PLXNA4: variants seen among roughly 807,000 people sequenced by gnomAD.
The protein encoded by PLXNA4 is plexin-A4.
A neutral mutation model predicts 191.8 loss-of-function variants in PLXNA4; 44 were observed. The ratio of observed to expected loss-of-function variants is 0.23; its 90% CI spans 0.18 to 0.29. The LOEUF is 0.29. Ranked by LOEUF, PLXNA4 falls within the 10% of genes least tolerant of loss-of-function variation. The pLI, the probability that PLXNA4 is intolerant of heterozygous loss-of-function variation, is 1.00. For missense variants in PLXNA4, 1,800 were observed against 2,488.8 expected (o/e 0.72, Z 5.89); for synonymous variants, 1,082 against 1,009.5 (o/e 1.07, Z -1.36).
chr7:132,220,224 C>T (rs1328504509), intron 9 of PLXNA4, among the ~76,000 whole-genome samples: 1 of 152,188 alleles, frequency 6.6e-6, no homozygotes, highest in African/African-American at 2.4e-5. Flanking sequence ...AGTCAGTAGT[C>T]CACACATACT....
intron 30 of PLXNA4, 140 bp downstream of exon 30, chr7:132,140,459 G>A (rs1200492239): frequency 1.6e-5 from 20 of 1,252,518 alleles, no homozygotes; most frequent in Admixed American, 2.7e-5. Flanking sequence ...GGGGGTGTGG[G>A]TGTTGCAGTG....
chr7:132,462,946 T>C (rs1796570858), intron 3 of PLXNA4, among the ~76,000 whole-genome samples: 1 of 148,880 alleles, frequency 6.7e-6, no homozygotes, highest in African/African-American at 2.5e-5. Flanking sequence ...GCCTGTCAGG[T>C]TCAAGTGATT....
Position 132,129,368 on chromosome 7 carries a change from G to C in PLXNA4, c.*1111C>G, listed in dbSNP as rs1794862863. ...CATAGCAATGGCACCGGATTCTGCA[G>C]AGGGAACAGGGACTAGGCTGTTGGC... On this transcript the variant is annotated 3_prime_UTR_variant, in exon 32 of 32. Coordinates refer to ENST00000321063, the MANE Select transcript of PLXNA4 (RefSeq NM_020911.2). 1 of 152,304 alleles carries C rather than the reference G, an allele frequency of 6.6e-6. No individual in the cohort carries two copies. The highest frequency in any genetic ancestry group is 1.5e-5 in the Non-Finnish European group (1 of 68,076). 9.4% of individuals were successfully genotyped at this position (152,304 alleles called of 1,614,324 possible). A position where few individuals can be genotyped will look rare whatever the true frequency, so the allele number is the denominator to read the frequency against.
At position 132,198,533 on chromosome 7, in the gene PLXNA4, G is replaced by A. The variant is rs1797326584; in HGVS notation, c.2690C>T (p.Ala897Val). The A allele has an allele frequency of 1.9e-6, 3 of 1,614,110 alleles. No homozygotes were observed. The highest frequency in any genetic ancestry group is 2.5e-6 in the Non-Finnish European group (3 of 1,180,044). The change falls in exon 13 of 32, where the codon GCT becomes GTT. Residue 897 changes from alanine to valine, a missense_variant. Ala to Val is a moderately conservative substitution (Grantham distance 64, BLOSUM62 0). Coordinates refer to ENST00000321063, the MANE Select transcript of PLXNA4 (RefSeq NM_020911.2). ...FRDIASHVKV[A>V]GVECSPLVDG... Reference sequence around the variant, plus strand: ...CACTAAAGGGCTGCACTCCACGCCAGCAACCTTGACATGGGAGGCGATGTC... The same window carrying A: ...CACTAAAGGGCTGCACTCCACGCCAACAACCTTGACATGGGAGGCGATGTC...
intron 31 of PLXNA4, among the ~76,000 whole-genome samples, chr7:132,132,473 C>CTCTGCTCTGT (rs1794983584): frequency 1.9e-5 from 1 of 53,054 alleles, no homozygotes; most frequent in Non-Finnish European, 3.7e-5. Flanking sequence ...TTCTGCTCTG[C>CTCTGCTCTGT]TCTGCTCTGC....
chr7:132,540,188 G>C (rs114600554), intron 1 of PLXNA4, among the ~76,000 whole-genome samples: 4 of 151,886 alleles, frequency 2.6e-5, no homozygotes, highest in African/African-American at 9.7e-5. Context: ...CCAGAGTTTC[G>C]GAGCTATCCA....
intron 4 of PLXNA4, among the ~76,000 whole-genome samples, chr7:132,293,090 A>G (rs888617574): frequency 1.3e-5 from 2 of 152,162 alleles, no homozygotes; most frequent in Admixed American, 6.5e-5. Context: ...GGATGGGGCC[A>G]AGGGACCATG....
intron 3 of PLXNA4, among the ~76,000 whole-genome samples, chr7:132,453,863 T>A (rs1208498367): frequency 6.6e-6 from 1 of 152,208 alleles, no homozygotes; most frequent in Non-Finnish European, 1.5e-5. Context: ...AAACTCCAAA[T>A]TCCCCTTCAA....
At chr7:132,257,016 A>T (rs10240557) in intron 4 of PLXNA4, among the ~76,000 whole-genome samples, 110,791 of 151,692 alleles carry the variant, frequency 0.73, 41,771 homozygotes, top group African/African-American at 0.93. Flanking sequence ...GACAGCCTCC[A>T]GTTTACAGAT....
chr7:132,230,343 C>T (rs1272381573), intron 5 of PLXNA4, among the ~76,000 whole-genome samples: 1 of 152,192 alleles, frequency 6.6e-6, no homozygotes, highest in East Asian at 1.9e-4. Context: ...CATCCTGATG[C>T]CCCCTTCATA....
intron 5 of PLXNA4, 131 bp from the exon 6 acceptor site, chr7:132,228,600 T>C (rs943039170): frequency 8.3e-7 from 1 of 1,198,638 alleles, no homozygotes; most frequent in Non-Finnish European, 1.1e-6. Context: ...GCTAACCTTT[T>C]TGTGTCCTTC....
intron 3 of PLXNA4, among the ~76,000 whole-genome samples, chr7:132,395,447 G>A (rs990417330): frequency 6.6e-6 from 1 of 152,248 alleles, no homozygotes; most frequent in South Asian, 2.1e-4. Flanking sequence ...CCTGCTGAGA[G>A]AGGGTGTCGG....
At chr7:132,279,362 C>T (rs1800393815) in intron 4 of PLXNA4, among the ~76,000 whole-genome samples, 1 of 152,168 alleles carries the variant, frequency 6.6e-6, no homozygotes, top group African/African-American at 2.4e-5. Flanking sequence ...AAAATTAAGG[C>T]TGGGCATGGT....
intron 3 of PLXNA4, among the ~76,000 whole-genome samples, chr7:132,454,356 A>G (rs2117319409): frequency 6.6e-6 from 1 of 152,074 alleles, no homozygotes; most frequent in East Asian, 1.9e-4. Flanking sequence ...AAGCCTCTCC[A>G]TTTTCTTTGC....
chr7:132,334,252 CT>C lies in PLXNA4; in HGVS notation c.1372-36031del, dbSNP rs71529758. ...TTTCTTTTCTTTTCTTTCTTTCTTT[CT>C]TTTTTTTTTTTTTTTTTTTTTTGAG... On this transcript the variant is annotated intron_variant, in intron 3 of 31. Transcript: ENST00000321063. 4.7e-3 allele frequency among the ~76,000 whole-genome samples: 352 copies of C among 75,590 alleles called. 1 individual carries two copies. Among genetic ancestry groups the C allele is most frequent in the African/African-American group, 0.017 (272 of 16,410 alleles). The allele number at this position is 75,590 out of a possible 152,430, so 49.6% of individuals were successfully genotyped here. A position where few individuals can be genotyped will look rare whatever the true frequency, so the allele number is the denominator to read the frequency against.
At position 132,419,324 on chromosome 7, in the gene PLXNA4, A is replaced by G. The variant is rs139905249; in HGVS notation, c.1371+69968T>C. Among the ~76,000 whole-genome samples, 1,468 of 152,338 alleles carry G rather than the reference A, an allele frequency of 9.6e-3. 15 individuals are homozygous for G. Among genetic ancestry groups the G allele is most frequent in the Middle Eastern group, 0.037 (11 of 294 alleles). ...TAGCTTGGATCTGGGCTGCAGGAGC[A>G]GAGAACTGCTCCCTTGACCACAGGT... On this transcript the variant is annotated intron_variant, in intron 3 of 31. Transcript: ENST00000321063.
Position 132,515,058 on chromosome 7 carries a change from A to C in PLXNA4, c.-86-6279T>G, listed in dbSNP as rs563828431. Among the ~76,000 whole-genome samples, 801 of 152,276 alleles carry C rather than the reference A, an allele frequency of 5.3e-3. 3 individuals are homozygous for C. Among genetic ancestry groups the C allele is most frequent in the Middle Eastern group, 0.044 (13 of 294 alleles). ...GGGGTCGGGAGGGCATAGTGATTGG[A>C]TCAGGAATGAGAAACTGGTTAAATC... On this transcript the variant is annotated intron_variant, in intron 1 of 31. Coordinates refer to ENST00000321063, the MANE Select transcript of PLXNA4 (RefSeq NM_020911.2).
chr7:132,624,423 T>G (rs1803330848), intron 2 of PLXNA4, among the ~76,000 whole-genome samples: 1 of 152,312 alleles, frequency 6.6e-6, no homozygotes, highest in South Asian at 2.1e-4. Flanking sequence ...TGATCCTTTC[T>G]CATGAGCATA....
intron 11 of PLXNA4, 52 bp from the exon 12 acceptor site, chr7:132,202,888 C>A: frequency 2.1e-6 from 3 of 1,453,182 alleles, no homozygotes; most frequent in Non-Finnish European, 2.7e-6. Context: ...GCAGTGGGGA[C>A]AGAAGGGGCC....
Sources: allele counts gnomAD v4.1 joint callset (sites outside exome capture counted in the v4.1 genomes callset), GRCh38; gene constraint gnomAD v4.1.1; transcripts MANE v1.5; gene names NCBI Gene and HGNC (gene_info 2026-07-23, HGNC 2026-07-21).